The following NWD2 variants were observed in gnomAD, a reference collection of about 807,000 sequenced individuals.
The protein encoded by NWD2 is NACHT and WD repeat domain-containing protein 2.
In NWD2, 37 loss-of-function variants were observed where a neutral mutation model predicts 132.7. The ratio of observed to expected loss-of-function variants is 0.28; its 90% CI spans 0.21 to 0.37. The LOEUF (loss-of-function observed/expected upper bound fraction) is 0.37. NWD2 is among the 10% of genes least tolerant of loss of function. The pLI is 1.00. For synonymous variants in NWD2, 705 were observed against 803.0 expected, an observed-to-expected ratio of 0.88 and a Z score of 2.06; for missense variants, 1,592 against 2,122.4, an observed-to-expected ratio of 0.75 and a Z score of 4.91.
chr4:37,249,737 C>T (rs1717314830), intron 1 of NWD2, among the ~76,000 whole-genome samples: 2 of 152,204 alleles, frequency 1.3e-5, no homozygotes, highest in South Asian at 4.1e-4. Flanking sequence ...ACTCAGATTT[C>T]TGTGCTGGTC....
chr4:37,301,774 A>T (rs966616549), intron 1 of NWD2, among the ~76,000 whole-genome samples: 9 of 151,958 alleles, frequency 5.9e-5, no homozygotes, highest in African/African-American at 2.2e-4. Flanking sequence ...TGTATTTCAG[A>T]TAATTTTGTA....
At chr4:37,423,932 A>G (rs962307320) in intron 3 of NWD2, among the ~76,000 whole-genome samples, 1 of 152,202 alleles carries the variant, frequency 6.6e-6, no homozygotes, top group African/African-American at 2.4e-5. Flanking sequence ...AGATACATGT[A>G]TAGGTGCTTC....
chr4:37,356,685 G>A (rs917215821), intron 3 of NWD2, among the ~76,000 whole-genome samples: 2 of 152,080 alleles, frequency 1.3e-5, no homozygotes, highest in African/African-American at 2.4e-5. Flanking sequence ...GCCAATTAAC[G>A]GTGAATAATT....
chr4:37,303,452 C>A (rs1718646356), intron 1 of NWD2, among the ~76,000 whole-genome samples: 1 of 151,980 alleles, frequency 6.6e-6, no homozygotes, highest in East Asian at 1.9e-4. Context: ...TGTTACGGTT[C>A]CATATAAATT....
At chr4:37,281,043 T>C (rs1445490810) in intron 1 of NWD2, among the ~76,000 whole-genome samples, 1 of 150,844 alleles carries the variant, frequency 6.6e-6, no homozygotes, top group Non-Finnish European at 1.5e-5. Flanking sequence ...GGGTGGGGAG[T>C]GGGTCTGGAG....
intron 3 of NWD2, among the ~76,000 whole-genome samples, chr4:37,361,602 A>G (rs575281688): frequency 3.3e-5 from 5 of 152,262 alleles, no homozygotes; most frequent in South Asian, 2.1e-4. Context: ...CTCCATAGAC[A>G]TGGAAAAAGC....
rs1309387552 is a variant in NWD2 at position 37,444,770 on chromosome 4, C to T, written c.2782C>T (p.Leu928Phe). The change falls in exon 7 of 7, where the codon CTT (leucine) becomes TTT (phenylalanine). Residue 928 changes from leucine to phenylalanine, a missense_variant. This residue lies in a region of NWD2 where 1,071 missense variants were observed against 1,398.0 expected (regional missense o/e 0.77). Transcript: ENST00000309447. This position sits in a 1 kb window ranked among gnomAD's most constrained non-coding sequence, Gnocchi z 4.8. ...GCCTGTTGTAAGCTCCCTGCCCAAA[C>T]TTAGACATCTTCTTTTAGAGTGTGA... ...LLPVVSSLPKLRHLLLECDKD... is the reference protein window; with the variant it reads ...LLPVVSSLPKFRHLLLECDKD... 29 of 1,551,838 alleles carry T rather than the reference C, an allele frequency of 1.9e-5. No individual in the cohort carries two copies. Among genetic ancestry groups the T allele is most frequent in the Non-Finnish European group, 2.4e-5 (28 of 1,147,082 alleles).
chr4:37,313,588 T>A (rs966026399), intron 1 of NWD2, among the ~76,000 whole-genome samples: 5 of 151,132 alleles, frequency 3.3e-5, no homozygotes, highest in Non-Finnish European at 7.3e-5. Context: ...AGCTCTTGGA[T>A]TCATTAATTT....
intron 3 of NWD2, among the ~76,000 whole-genome samples, chr4:37,423,411 G>C (rs1371961025): frequency 1.1e-4 from 16 of 152,168 alleles, no homozygotes; most frequent in Admixed American, 1.0e-3. Flanking sequence ...ATTGGCTCGT[G>C]CAACTATGGA....
At position 37,444,538 on chromosome 4, in the gene NWD2, G is replaced by A; in HGVS notation, c.2550G>A (p.Leu850=). The A allele has an allele frequency of 1.3e-6, 2 of 1,551,770 alleles. No homozygotes were observed. Among genetic ancestry groups the A allele is most frequent in the Non-Finnish European group, 1.7e-6 (2 of 1,147,028 alleles). Residue 850 remains leucine, a synonymous_variant, in exon 7 of 7, where the codon CTG becomes CTA. Coordinates refer to ENST00000309447, the MANE Select transcript of NWD2 (RefSeq NM_001144990.2). This position sits in a 1 kb window ranked among gnomAD's most constrained non-coding sequence, Gnocchi z 4.8. ...CGAGGTGTGGAAAAACCGATGACCT[G>A]CTTTACGGCATCATCATGAACTTCA... ...HLTRCGKTDD[L]LYGIIMNFSW...
chr4:37,439,625 A>G lies in NWD2; in HGVS notation c.1296+235A>G, dbSNP rs1234850900. 6.6e-6 allele frequency among the ~76,000 whole-genome samples: 1 copy of G among 152,150 alleles called. No individual in the cohort carries two copies. Among genetic ancestry groups the G allele is most frequent in the African/African-American group, 2.4e-5 (1 of 41,410 alleles). ...TTTTTTTCTTTCACTGTTCAGACTC[A>G]TGTTGTGGGCTAGTTCCCATCCCTC... On this transcript the variant is annotated intron_variant, in intron 6 of 6. Coordinates refer to ENST00000309447, the MANE Select transcript of NWD2 (RefSeq NM_001144990.2). This position sits in a 1 kb window ranked among gnomAD's most constrained non-coding sequence, Gnocchi z 4.5.
intron 1 of NWD2, among the ~76,000 whole-genome samples, chr4:37,287,287 G>A (rs1718254439): frequency 6.6e-6 from 1 of 152,208 alleles, no homozygotes; most frequent in Admixed American, 6.5e-5. Context: ...AGGGAAAGGG[G>A]CAACCAGCAC....
rs140129295 is a variant in NWD2 at position 37,310,337 on chromosome 4, A to G, written c.152-15599A>G. On this transcript the variant is annotated intron_variant, in intron 1 of 6. Transcript: ENST00000309447. Reference sequence around the variant, plus strand: ...CAAAATTTCCATTGTTTTTAGTGTGATGTTTGCAAATTTATTTACCTTGGT... The same window carrying G: ...CAAAATTTCCATTGTTTTTAGTGTGGTGTTTGCAAATTTATTTACCTTGGT... 3.4e-3 allele frequency among the ~76,000 whole-genome samples: 521 copies of G among 152,226 alleles called. 6 individuals carry two copies. Among genetic ancestry groups the G allele is most frequent in the African/African-American group, 0.011 (444 of 41,526 alleles).
At chr4:37,280,284 A>G (rs923670006) in intron 1 of NWD2, among the ~76,000 whole-genome samples, 3 of 152,222 alleles carry the variant, frequency 2.0e-5, no homozygotes, top group African/African-American at 7.2e-5. Flanking sequence ...AAGAAAGACT[A>G]ATAAGATCAT....
intron 2 of NWD2, among the ~76,000 whole-genome samples, chr4:37,347,854 C>A (rs115565195): frequency 6.6e-5 from 10 of 152,056 alleles, no homozygotes; most frequent in African/African-American, 2.4e-4. Context: ...TGGTGTCAGC[C>A]AAAAGAATCG....
chr4:37,417,360 G>T (rs567301562), intron 3 of NWD2, among the ~76,000 whole-genome samples: 1 of 151,288 alleles, frequency 6.6e-6, no homozygotes, highest in Non-Finnish European at 1.5e-5. Context: ...CAAAAAAAAT[G>T]AATTTTAAAA....
intron 4 of NWD2, among the ~76,000 whole-genome samples, chr4:37,431,165 T>A (rs1329838969): frequency 1.3e-5 from 2 of 152,124 alleles, no homozygotes; most frequent in Non-Finnish European, 2.9e-5. Flanking sequence ...CCAAAGGCAA[T>A]AAAATCACTG....
chr4:37,346,792 G>C (rs1237450481), intron 2 of NWD2, among the ~76,000 whole-genome samples: 1 of 151,798 alleles, frequency 6.6e-6, no homozygotes, highest in African/African-American at 2.4e-5. Context: ...TTTCTTTCTG[G>C]TGCTCTTTTA....
intron 2 of NWD2, among the ~76,000 whole-genome samples, chr4:37,352,276 GATATTAAAGACTC>G (rs1194139765): frequency 6.6e-6 from 1 of 152,104 alleles, no homozygotes; most frequent in Non-Finnish European, 1.5e-5. Context: ...TTGACAGAGG[GATATTAAAGACTC>G]CCGCTATTAT....
Sources: allele counts gnomAD v4.1 joint callset (sites outside exome capture counted in the v4.1 genomes callset), GRCh38; gene constraint gnomAD v4.1.1; regional missense constraint gnomAD v4.1.1; non-coding constraint Gnocchi (gnomAD v3.1); transcripts MANE v1.5; gene names NCBI Gene and HGNC (gene_info 2026-07-23, HGNC 2026-07-21).